Variants in DPH6 observed in about 807,000 individuals in gnomAD.
The protein encoded by DPH6 is diphthamine biosynthesis 6, also known as diphthine--ammonia ligase.
DPH6 carries 33 observed loss-of-function variants against 38.2 expected under a neutral mutation model. That is an observed-to-expected ratio of 0.86 (90% CI 0.65 to 1.15). The LOEUF (loss-of-function observed/expected upper bound fraction) is 1.15. Ranked by LOEUF, DPH6 falls within the 50% of genes most tolerant of loss-of-function variation. The pLI, the probability that DPH6 is intolerant of heterozygous loss-of-function variation, is 0.00. For synonymous variants in DPH6, 108 were observed against 103.0 expected (o/e 1.05, Z -0.30); for missense variants, 325 against 320.0 (o/e 1.02, Z -0.12).
intron 6 of DPH6, among the ~76,000 whole-genome samples, chr15:35,384,131 T>C: frequency 6.6e-6 from 1 of 152,244 alleles, no homozygotes; most frequent in East Asian, 1.9e-4. Context: ...GTCTCTGGCT[T>C]CGACTCAAAA....
chr15:35,317,658 A>C (rs2052204993), intron 3 of DPH6, among the ~76,000 whole-genome samples: 1 of 151,976 alleles, frequency 6.6e-6, no homozygotes, highest in Non-Finnish European at 1.5e-5. Context: ...ATGAAATATG[A>C]CAGAAAGAAT....
intron 3 of DPH6, among the ~76,000 whole-genome samples, chr15:35,297,332 GT>G (rs34357081): frequency 0.1 from 14,399 of 139,210 alleles, 1,690 homozygotes; most frequent in East Asian, 0.35. Flanking sequence ...CCCTCCCTCA[GT>G]TTTTTTTTTT....
chr15:35,327,448 C>T (rs2052292933), downstream of DPH6, among the ~76,000 whole-genome samples: 2 of 151,498 alleles, frequency 1.3e-5, no homozygotes, highest in African/African-American at 2.4e-5. Flanking sequence ...TGGGTTCACA[C>T]CATTCTCCTG....
In DPH6 at chr15:35,378,777, A is replaced by G. The variant is rs187899100; in HGVS notation, c.662+3045T>C. 1.7e-3 allele frequency among the ~76,000 whole-genome samples: 264 copies of G among 151,998 alleles called. 1 individual carries two copies. Among genetic ancestry groups the G allele is most frequent in the East Asian group, 5.0e-3 (26 of 5,154 alleles). On this transcript the variant is annotated intron_variant, in intron 7 of 8. Coordinates refer to ENST00000256538, the MANE Select transcript of DPH6 (RefSeq NM_080650.4). ...ACTCACAAGTGGGAGTTGAACAATG[A>G]GAACACATGGACACAGGGAGGGGAA...
chr15:35,333,388 T>C (rs1232192045), intron 3 of DPH6, among the ~76,000 whole-genome samples: 1 of 152,106 alleles, frequency 6.6e-6, no homozygotes, highest in Non-Finnish European at 1.5e-5. Flanking sequence ...AAATATCATA[T>C]AGCTATTATA....
intron 3 of DPH6, chr15:35,521,745 G>A: frequency 1.6e-6 from 2 of 1,232,270 alleles, no homozygotes; most frequent in Non-Finnish European, 2.0e-6. Context: ...GCTTGATTGT[G>A]AGCAATAGCT....
At chr15:35,174,710 T>C in the DPH6 span, among the ~76,000 whole-genome samples, 7,371 of 152,246 alleles carry the variant, frequency 0.048, 255 homozygotes, top group African/African-American at 0.099. Flanking sequence ...CTTGAGTTCC[T>C]TTTTCTCTAG....
At chr15:35,510,683 A>C (rs184330763) in intron 3 of DPH6, among the ~76,000 whole-genome samples, 4 of 152,242 alleles carry the variant, frequency 2.6e-5, no homozygotes, top group African/African-American at 9.6e-5. Flanking sequence ...AAATTTTTTC[A>C]ACCATCATTT....
chr15:35,484,962 T>C (rs1288241303), intron 3 of DPH6, among the ~76,000 whole-genome samples: 2 of 152,192 alleles, frequency 1.3e-5, no homozygotes, highest in Non-Finnish European at 2.9e-5. Flanking sequence ...TTAGCAAGTT[T>C]TTTAGAAAGT....
rs550395007 is a variant in DPH6, at chr15:35,298,735, C to T, written n.200+74786G>A. The T allele has an allele frequency of 1.2e-3, 1,808 of 1,571,112 alleles. 3 individuals carry two copies. Among genetic ancestry groups the T allele is most frequent in the Non-Finnish European group, 1.5e-3 (1,747 of 1,145,482 alleles). On this transcript the variant is annotated intron_variant and non_coding_transcript_variant, in intron 3 of 3. Transcript: ENST00000560386. ...AGCCGTACTTCTGTATGATCTTGTGCGCCACCGTGCCCCCCAAGTTAGCGA... is the reference window on the plus strand; with the variant it reads ...AGCCGTACTTCTGTATGATCTTGTGTGCCACCGTGCCCCCCAAGTTAGCGA...
At chr15:35,155,864 T>TG in the DPH6 span, among the ~76,000 whole-genome samples, 7 of 152,340 alleles carry the variant, frequency 4.6e-5, no homozygotes, top group East Asian at 7.7e-4. Flanking sequence ...AGTAGACCAC[T>TG]ATTTTTTAAA....
At chr15:35,485,911 G>A (rs2054391992) in intron 3 of DPH6, among the ~76,000 whole-genome samples, 1 of 152,120 alleles carries the variant, frequency 6.6e-6, no homozygotes, top group African/African-American at 2.4e-5. Flanking sequence ...CTCCAAATGG[G>A]TTCTGGACTT....
chr15:35,485,786 T>C (rs907794367), intron 3 of DPH6, among the ~76,000 whole-genome samples: 1 of 152,216 alleles, frequency 6.6e-6, no homozygotes, highest in African/African-American at 2.4e-5. Context: ...CAGTTTACCA[T>C]TGTATGCGAT....
chr15:35,177,400 C>T, the DPH6 span, among the ~76,000 whole-genome samples: 3 of 150,734 alleles, frequency 2.0e-5, no homozygotes, highest in Non-Finnish European at 3.0e-5. Flanking sequence ...CACAGTGAGA[C>T]CCCACCTCTC....
At chr15:35,370,510 T>C (rs1185957568), downstream of DPH6, among the ~76,000 whole-genome samples, 3 of 151,528 alleles carry the variant, frequency 2.0e-5, no homozygotes, top group South Asian at 2.1e-4. Flanking sequence ...AAAACCCCAA[T>C]TAAAAATAGT....
the DPH6 span, among the ~76,000 whole-genome samples, chr15:35,157,150 G>A: frequency 6.6e-6 from 1 of 152,092 alleles, no homozygotes; most frequent in Non-Finnish European, 1.5e-5. Context: ...GAATGATTCC[G>A]ATCATCTTCT....
chr15:35,457,932 G>C (rs976322195), intron 3 of DPH6, among the ~76,000 whole-genome samples: 3 of 151,980 alleles, frequency 2.0e-5, no homozygotes, highest in African/African-American at 7.3e-5. Flanking sequence ...ATCAGTGGGG[G>C]ATTGTTTCCA....
intron 8 of DPH6, 137 bp downstream of exon 8, chr15:35,373,384 G>T: frequency 1.6e-6 from 1 of 614,314 alleles, no homozygotes; most frequent in Non-Finnish European, 2.7e-6. Context: ...ATTGACTGAG[G>T]AGCTGAAAAA....
intron 3 of DPH6, chr15:35,238,325 G>C (rs567879633): frequency 7.7e-5 from 24 of 313,518 alleles, no homozygotes; most frequent in Admixed American, 6.2e-4. Context: ...GGAACAGTAT[G>C]GCAAGAACTA....
Sources: gnomAD v4.1 joint callset for allele counts (sites outside exome capture counted in the v4.1 genomes callset) on GRCh38, gnomAD v4.1.1 for gene constraint, MANE v1.5 for transcripts, NCBI Gene and HGNC (gene_info 2026-07-23, HGNC 2026-07-21) for gene names.